SULT1E1: variants seen among roughly 807,000 people sequenced by gnomAD.
The protein encoded by SULT1E1 is sulfotransferase 1E1.
SULT1E1 carries 36 observed loss-of-function variants against 33.6 expected under a neutral mutation model. The ratio of observed to expected loss-of-function variants is 1.07; its 90% CI spans 0.82 to 1.41. The LOEUF (loss-of-function observed/expected upper bound fraction) is 1.41. Ranked by LOEUF, SULT1E1 falls within the 40% of genes most tolerant of loss-of-function variation. The pLI is 0.00. For missense variants in SULT1E1, 371 were observed against 345.7 expected (o/e 1.07, Z -0.58); for synonymous variants, 121 against 111.7 (o/e 1.08, Z -0.53).
the SULT1E1 span, among the ~76,000 whole-genome samples, chr4:69,829,777 T>C: frequency 6.6e-6 from 1 of 152,156 alleles, no homozygotes; most frequent in Non-Finnish European, 1.5e-5. Context: ...GCTCCTACAA[T>C]GGTTGCACAG....
chr4:69,845,114 A>G lies in SULT1E1; in HGVS notation c.592-773T>C, dbSNP rs375385053. Among the ~76,000 whole-genome samples, 95 of 152,152 alleles carry G rather than the reference A, an allele frequency of 6.2e-4. 3 individuals carry two copies. In the South Asian group the frequency reaches 0.018, roughly 29 times the overall value. On this transcript the variant is annotated intron_variant, in intron 6 of 7. Transcript: ENST00000226444. ...ATTGTTTAAATAAATCTAATTTACC[A>G]CATGTGTATTTTTGTAATGTTTTAT... is the stretch of plus-strand genomic sequence containing the variant.
chr4:69,847,900 GA>G (rs1721014849), intron 5 of SULT1E1, 108 bp from the exon 6 acceptor site: 3 of 607,848 alleles, frequency 4.9e-6, no homozygotes, highest in African/African-American at 3.8e-5. Flanking sequence ...AGATAATCAT[GA>G]AATTAGAATA....
intron 5 of SULT1E1, 143 bp downstream of exon 5, chr4:69,849,294 C>A (rs1489459718): frequency 1.1e-6 from 1 of 944,056 alleles, no homozygotes; most frequent in South Asian, 1.9e-5. Context: ...TTGCTCTAAA[C>A]CTCCAGGCGC....
chr4:69,835,768 T>C, the SULT1E1 span, among the ~76,000 whole-genome samples: 2 of 152,194 alleles, frequency 1.3e-5, no homozygotes, highest in East Asian at 1.9e-4. Context: ...AACTTTGTTA[T>C]TGAGTAGAGG....
chr4:69,847,616 G>T, intron 6 of SULT1E1, 82 bp downstream of exon 6: 1 of 883,672 alleles, frequency 1.1e-6, no homozygotes, highest in Non-Finnish European at 1.7e-6. Flanking sequence ...TTTATTTAAA[G>T]GAATATTTTT....
downstream of SULT1E1, among the ~76,000 whole-genome samples, chr4:69,839,399 A>G (rs1333579927): frequency 1.3e-5 from 2 of 152,240 alleles, no homozygotes; most frequent in African/African-American, 4.8e-5. Flanking sequence ...CTCCTGGGAT[A>G]GTGACACCAA....
Position 69,854,305 on chromosome 4 carries a change from T to G in SULT1E1, c.281A>C (p.Gln94Pro). 6.2e-7 allele frequency: 1 copy of G among 1,605,220 alleles called. No individual in the cohort carries two copies. Among genetic ancestry groups the G allele is most frequent in the Non-Finnish European group, 8.5e-7 (1 of 1,174,698 alleles). Residue 94 changes from glutamine to proline, a missense_variant, in exon 4 of 8, where the codon CAA becomes CCA. Coordinates refer to ENST00000226444, the MANE Select transcript of SULT1E1 (RefSeq NM_005420.3). ...RKENLMNGVKQLDEMNSPRIV... is the reference protein window; with the variant it reads ...RKENLMNGVKPLDEMNSPRIV... ...TCTAGGAGAATTCATCTCATCTAATTGTTTTACTCCTGATTTTTAAAAAAG... is the reference window on the plus strand; with the variant it reads ...TCTAGGAGAATTCATCTCATCTAATGGTTTTACTCCTGATTTTTAAAAAAG...
At chr4:69,852,289 T>TAA (rs932775370) in intron 4 of SULT1E1, among the ~76,000 whole-genome samples, 1 of 152,198 alleles carries the variant, frequency 6.6e-6, no homozygotes, top group Admixed American at 6.5e-5. Flanking sequence ...TCATTCTGTG[T>TAA]AATTTTATTG....
Position 69,847,807 on chromosome 4 carries a change from A to G in SULT1E1, c.497-15T>C. The G allele has an allele frequency of 6.4e-7, 1 of 1,559,256 alleles. No homozygotes were observed. The highest frequency in any genetic ancestry group is 1.7e-5 in the Admixed American group (1 of 58,770). On this transcript the variant is annotated splice_polypyrimidine_tract_variant and intron_variant, in intron 5 of 7. Coordinates refer to ENST00000226444, the MANE Select transcript of SULT1E1 (RefSeq NM_005420.3). The stretch of plus-strand genomic sequence containing the variant: ...ACCATAAGGAACTAAAATTAGAGAG[A>G]AAAACAGTGTAAAAGTGGTATCATC...
In SULT1E1 at chr4:69,854,446, T is replaced by G. The variant is rs982705735; in HGVS notation, c.272-132A>C. 50 of 587,824 alleles carry G rather than the reference T, an allele frequency of 8.5e-5. No individual in the cohort carries two copies. The African/African-American group carries it at 9.3e-4, about 11-fold the overall frequency. 36.4% of individuals were successfully genotyped at this position (587,824 alleles called of 1,614,324 possible). On this transcript the variant is annotated intron_variant, in intron 3 of 7. Coordinates refer to ENST00000226444, the MANE Select transcript of SULT1E1 (RefSeq NM_005420.3). The stretch of plus-strand genomic sequence containing the variant: ...TAATTAGATTGTGTGTAACACAAAG[T>G]ATAAATTCTTGAGGGAATGGACACC...
downstream of SULT1E1, among the ~76,000 whole-genome samples, chr4:69,840,829 G>A (rs924272979): frequency 1.3e-5 from 2 of 151,970 alleles, no homozygotes; most frequent in Non-Finnish European, 2.9e-5. Context: ...GGTGGATCAC[G>A]AGGTCAGGAG....
rs17147780 is a variant in SULT1E1 at position 69,852,185 on chromosome 4, C to A, written c.369+2032G>T. Among the ~76,000 whole-genome samples the A allele has an allele frequency of 7.6e-3, 1,163 of 152,208 alleles. 11 individuals carry two copies. The highest frequency in any genetic ancestry group is 0.027 in the African/African-American group (1,114 of 41,542). On this transcript the variant is annotated intron_variant, in intron 4 of 7. Transcript: ENST00000226444. The stretch of plus-strand genomic sequence containing the variant: ...ACTAACTAATCTATACCTCTCCTAT[C>A]TGATGCTATTTCTAAGCTTGTGGCC...
rs2110065998 is a variant in SULT1E1 at position 69,844,300 on chromosome 4, T to C, written c.633A>G (p.Glu211=). The C allele has an allele frequency of 6.2e-7, 1 of 1,613,664 alleles. No individual in the cohort carries two copies. The highest frequency in any genetic ancestry group is 8.5e-7 in the Non-Finnish European group (1 of 1,179,736). ...KEVIKLIHFL[E]RKPSEELVDR... The stretch of plus-strand genomic sequence containing the variant: ...CCACAAGCTCCTCTGATGGCTTCCT[T>C]TCCAGGAAATGTATCAATTTTATCA... Residue 211 remains glutamate, a synonymous_variant, in exon 7 of 8, where the codon GAA becomes GAG. Coordinates refer to ENST00000226444, the MANE Select transcript of SULT1E1 (RefSeq NM_005420.3).
intron 4 of SULT1E1, among the ~76,000 whole-genome samples, chr4:69,852,403 A>G: frequency 6.6e-6 from 1 of 152,170 alleles, no homozygotes; most frequent in East Asian, 1.9e-4. Context: ...CAAATACTGA[A>G]TCTTGCCTTC....
chr4:69,840,847 C>A (rs1720869194), downstream of SULT1E1, among the ~76,000 whole-genome samples: 1 of 151,994 alleles, frequency 6.6e-6, no homozygotes, highest in Non-Finnish European at 1.5e-5. Flanking sequence ...GAGATCGAGA[C>A]CATCCTGGCT....
the SULT1E1 span, among the ~76,000 whole-genome samples, chr4:69,831,768 C>A: frequency 5.9e-5 from 9 of 152,134 alleles, no homozygotes; most frequent in East Asian, 1.7e-3. Context: ...ATTCCCACCA[C>A]GGATGCTGCA....
chr4:69,853,784 A>T (rs1159586496), intron 4 of SULT1E1, among the ~76,000 whole-genome samples: 1 of 152,144 alleles, frequency 6.6e-6, no homozygotes, highest in Non-Finnish European at 1.5e-5. Flanking sequence ...GTTCATTTGC[A>T]TGCCTAACAG....
intron 1 of SULT1E1, among the ~76,000 whole-genome samples, chr4:69,859,681 C>G (rs934241852): frequency 6.6e-6 from 1 of 152,028 alleles, no homozygotes; most frequent in Non-Finnish European, 1.5e-5. Flanking sequence ...TTGCAAGACC[C>G]CTTATCACAG....
At chr4:69,850,170 T>G (rs570950510) in intron 4 of SULT1E1, among the ~76,000 whole-genome samples, 1 of 152,192 alleles carries the variant, frequency 6.6e-6, no homozygotes, top group South Asian at 2.1e-4. Context: ...CAGAAAACTG[T>G]GGTTTTAGTT....
Sources: allele counts gnomAD v4.1 joint callset (sites outside exome capture counted in the v4.1 genomes callset), GRCh38; gene constraint gnomAD v4.1.1; transcripts MANE v1.5; gene names NCBI Gene and HGNC (gene_info 2026-07-23, HGNC 2026-07-21).